The following SAMD5 variants were observed in gnomAD, a reference collection of about 807,000 sequenced individuals.
The protein encoded by SAMD5 is sterile alpha motif domain-containing protein 5.
SAMD5 carries 13 observed loss-of-function variants against 11.3 expected under a neutral mutation model. The observed-to-expected ratio is 1.15, with a 90% CI of 0.75 to 1.83. The LOEUF is 1.83. Among genes scored for constraint, SAMD5 ranks in the 40% most tolerant of loss-of-function variants. The probability of loss-of-function intolerance (pLI) is 0.00; values close to 1 mark genes in which losing one functional copy is unlikely to be tolerated. For synonymous variants in SAMD5, 129 were observed against 111.3 expected, an observed-to-expected ratio of 1.16 and a Z score of -1.00; for missense variants, 255 against 239.1, an observed-to-expected ratio of 1.07 and a Z score of -0.44.
chr6:147,778,453 T>C, the SAMD5 span, among the ~76,000 whole-genome samples: 5 of 152,168 alleles, frequency 3.3e-5, no homozygotes, highest in African/African-American at 9.7e-5. Flanking sequence ...TCCAAGCCCC[T>C]CATCCCTTGC....
the SAMD5 span, among the ~76,000 whole-genome samples, chr6:147,939,782 T>G: frequency 6.6e-6 from 1 of 151,982 alleles, no homozygotes; most frequent in Admixed American, 6.6e-5. Context: ...TGTTCAACTT[T>G]GCCTCAGGTT....
At chr6:147,817,273 G>A in the SAMD5 span, among the ~76,000 whole-genome samples, 1 of 152,234 alleles carries the variant, frequency 6.6e-6, no homozygotes, top group South Asian at 2.1e-4. Context: ...ATGGGAAAGT[G>A]AATGGCCCAG....
chr6:147,730,050 A>G, intron 1 of SAMD5: 1 of 402,544 alleles, frequency 2.5e-6, no homozygotes, highest in Non-Finnish European at 4.7e-6. Flanking sequence ...ATGCCATTGT[A>G]CTCCAGCCTG....
At chr6:147,877,905 A>G in the SAMD5 span, among the ~76,000 whole-genome samples, 1 of 82,252 alleles carries the variant, frequency 1.2e-5, no homozygotes, top group Non-Finnish European at 2.9e-5. Flanking sequence ...CTAGATAGAT[A>G]GATAGCTAGC....
At chr6:147,829,745 G>A in the SAMD5 span, among the ~76,000 whole-genome samples, 1 of 152,076 alleles carries the variant, frequency 6.6e-6, no homozygotes, top group Non-Finnish European at 1.5e-5. Context: ...TTCAGGTGGA[G>A]GCAGCCATGT....
the SAMD5 span, among the ~76,000 whole-genome samples, chr6:147,774,328 A>G: frequency 1.3e-5 from 2 of 152,152 alleles, no homozygotes; most frequent in Non-Finnish European, 2.9e-5. Context: ...ATATGGATGA[A>G]GTGTAATTAT....
At chr6:147,724,923 C>CAA (rs138000383) in intron 1 of SAMD5, among the ~76,000 whole-genome samples, 2,861 of 150,684 alleles carry the variant, frequency 0.019, 91 homozygotes, top group African/African-American at 0.065. Context: ...CTCAAAAAAA[C>CAA]AAAAAAAAAC....
chr6:147,858,850 C>A, the SAMD5 span, among the ~76,000 whole-genome samples: 2 of 152,228 alleles, frequency 1.3e-5, no homozygotes, highest in Admixed American at 1.3e-4. Context: ...TCAGTGCCTA[C>A]CATGTGCCAC....
At chr6:147,830,951 C>T in the SAMD5 span, among the ~76,000 whole-genome samples, 1 of 152,170 alleles carries the variant, frequency 6.6e-6, no homozygotes, top group African/African-American at 2.4e-5. Context: ...ATGGAATATA[C>T]AGTCTGTGTA....
At chr6:147,651,139 G>T (rs531944339) in intron 1 of SAMD5, among the ~76,000 whole-genome samples, 1 of 152,310 alleles carries the variant, frequency 6.6e-6, no homozygotes, top group East Asian at 1.9e-4. Flanking sequence ...CAAAGGAATT[G>T]GCAAAGAGAT....
At chr6:147,540,934 T>G (rs1353768342) in intron 1 of SAMD5, among the ~76,000 whole-genome samples, 1 of 15,866 alleles carries the variant, frequency 6.3e-5, no homozygotes, top group Non-Finnish European at 1.1e-4. Context: ...AAGCCACGCG[T>G]TTTTTTTTTT....
At chr6:147,782,438 T>C in the SAMD5 span, among the ~76,000 whole-genome samples, 2 of 152,210 alleles carry the variant, frequency 1.3e-5, no homozygotes, top group African/African-American at 4.8e-5. Context: ...TCCAAGTTAA[T>C]GATGCCATGG....
chr6:147,703,872 A>G (rs1039957363), intron 1 of SAMD5, among the ~76,000 whole-genome samples: 1 of 152,032 alleles, frequency 6.6e-6, no homozygotes, highest in Non-Finnish European at 1.5e-5. Flanking sequence ...TTATACTTGG[A>G]AATTCTACAT....
rs1302484948 is a variant in SAMD5 at position 147,565,103 on chromosome 6, C to G, written c.*647C>G. ...GAGAGGACAATTTCTTCTAACTTCTCTTTTTAAATTTAATCTGGCTGAGGT... is the reference window on the plus strand; with the variant it reads ...GAGAGGACAATTTCTTCTAACTTCTGTTTTTAAATTTAATCTGGCTGAGGT... On this transcript the variant is annotated 3_prime_UTR_variant, in exon 2 of 2. Transcript: ENST00000367474. The G allele has an allele frequency of 1.3e-5, 13 of 984,798 alleles. No homozygotes were observed. Among genetic ancestry groups the G allele is most frequent in the African/African-American group, 1.7e-5 (1 of 57,226 alleles). The allele number at this position is 984,798 out of a possible 1,614,324, so 61.0% of individuals were successfully genotyped here. A position where few individuals can be genotyped will look rare whatever the true frequency, so the allele number is the denominator to read the frequency against.
chr6:147,662,145 G>T (rs1345692897), intron 1 of SAMD5, among the ~76,000 whole-genome samples: 2 of 151,402 alleles, frequency 1.3e-5, no homozygotes, highest in East Asian at 3.9e-4. Flanking sequence ...CATGCTTACT[G>T]GTGAGCATGT....
the SAMD5 span, among the ~76,000 whole-genome samples, chr6:147,793,144 A>G: frequency 6.6e-6 from 1 of 152,146 alleles, no homozygotes; most frequent in East Asian, 1.9e-4. Flanking sequence ...CAGGTGATCA[A>G]GGTCAACATC....
intron 1 of SAMD5, among the ~76,000 whole-genome samples, chr6:147,704,900 G>A (rs1000638210): frequency 6.6e-6 from 1 of 152,208 alleles, no homozygotes; most frequent in African/African-American, 2.4e-5. Context: ...TAGCACATCC[G>A]TTAAACTCGA....
At chr6:147,895,265 ATT>A in the SAMD5 span, among the ~76,000 whole-genome samples, 74 of 151,780 alleles carry the variant, frequency 4.9e-4, no homozygotes, top group African/African-American at 1.7e-3. Context: ...ATAAAACATG[ATT>A]TTTTTTTCCC....
chr6:147,816,366 T>TTA, the SAMD5 span, among the ~76,000 whole-genome samples: 7,943 of 138,302 alleles, frequency 0.057, 317 homozygotes, highest in Non-Finnish European at 0.088. Flanking sequence ...TATATGCAGT[T>TTA]TATATATATA....
Sources: allele counts gnomAD v4.1 joint callset (sites outside exome capture counted in the v4.1 genomes callset), GRCh38; gene constraint gnomAD v4.1.1; transcripts MANE v1.5; gene names NCBI Gene and HGNC (gene_info 2026-07-23, HGNC 2026-07-21).